The following MAML2 variants were observed in gnomAD, a reference collection of about 807,000 sequenced individuals.
The protein encoded by MAML2 is mastermind like transcriptional coactivator 2.
MAML2 carries 22 observed loss-of-function variants against 96.1 expected under a neutral mutation model. That is an observed-to-expected ratio of 0.23 (90% CI 0.16 to 0.33). The LOEUF (loss-of-function observed/expected upper bound fraction) is 0.33. MAML2 is among the 10% of genes least tolerant of loss of function. MAML2 has a pLI of 1.00. For synonymous variants in MAML2, 561 were observed against 521.3 expected (o/e 1.08, Z -1.04); for missense variants, 1,367 against 1,392.4 (o/e 0.98, Z 0.29).
chr11:96,274,126 A>G (rs1565269462), intron 1 of MAML2, among the ~76,000 whole-genome samples: 1 of 126,362 alleles, frequency 7.9e-6, no homozygotes, highest in Non-Finnish European at 1.5e-5. Context: ...TCTGTAGCTC[A>G]GGCTGGAGTG....
Position 96,015,015 on chromosome 11 carries a change from C to G in MAML2, c.2140-23292G>C, listed in dbSNP as rs960871761. ...ATAATAACCATCTATGTACTAGCCACCCTATTAGTATCTCCATTTTATAGA... is the reference window on the plus strand; with the variant it reads ...ATAATAACCATCTATGTACTAGCCAGCCTATTAGTATCTCCATTTTATAGA... On this transcript the variant is annotated intron_variant, in intron 2 of 4. Transcript: ENST00000524717. Among the ~76,000 whole-genome samples the G allele has an allele frequency of 3.9e-5, 6 of 152,154 alleles. No individual in the cohort carries two copies. In the East Asian group the frequency reaches 1.2e-3, roughly 29 times the overall value.
chr11:96,343,071 G>T lies in MAML2; in HGVS notation c.-1176C>A. The T allele has an allele frequency of 5.0e-6, 2 of 398,422 alleles. No individual in the cohort carries two copies. Among genetic ancestry groups the T allele is most frequent in the Non-Finnish European group, 8.9e-6 (2 of 225,960 alleles). The allele number at this position is 398,422 out of a possible 1,614,324, so 24.7% of individuals were successfully genotyped here. A position where few individuals can be genotyped will look rare whatever the true frequency, so the allele number is the denominator to read the frequency against. On this transcript the variant is annotated 5_prime_UTR_variant, in exon 1 of 5. Transcript: ENST00000524717. ...TATAGATGGAAAAAAAAAGTAGCTT[G>T]TATTTTCCTTTCTCTTTCTCGTCTG...
At chr11:96,004,971 T>G (rs1282762064) in intron 2 of MAML2, among the ~76,000 whole-genome samples, 1 of 152,128 alleles carries the variant, frequency 6.6e-6, no homozygotes, top group Non-Finnish European at 1.5e-5. Context: ...TTAGGTGCCC[T>G]TATAAAAGGG....
intron 2 of MAML2, among the ~76,000 whole-genome samples, chr11:96,085,370 G>A (rs1428816477): frequency 1.3e-5 from 2 of 152,150 alleles, no homozygotes; most frequent in Admixed American, 1.3e-4. Flanking sequence ...AACCATTAAT[G>A]TGCAAATTTA....
rs1857662953 is a variant in MAML2 at position 95,977,183 on chromosome 11, T to C, written c.*1765A>G. 1 of 189,996 alleles carries C rather than the reference T, an allele frequency of 5.3e-6. No homozygotes were observed. Among genetic ancestry groups the C allele is most frequent in the Non-Finnish European group, 1.1e-5 (1 of 90,612 alleles). The allele number at this position is 189,996 out of a possible 1,614,324, so 11.8% of individuals were successfully genotyped here. A position where few individuals can be genotyped will look rare whatever the true frequency, so the allele number is the denominator to read the frequency against. ...CATATTAGCATACAAAAGGTAGCAA[T>C]TTACTTTTTGTATAAAATATAACCT... On this transcript the variant is annotated 3_prime_UTR_variant, in exon 5 of 5. Transcript: ENST00000524717.
At chr11:96,065,365 T>TATAC (rs1463975443) in intron 2 of MAML2, among the ~76,000 whole-genome samples, 2 of 152,012 alleles carry the variant, frequency 1.3e-5, no homozygotes, top group Admixed American at 1.3e-4. Context: ...TCAGTCCTGG[T>TATAC]ATACAGCACT....
rs1858463645 is a variant in MAML2 at position 96,023,245 on chromosome 11, C to T, written c.2140-31522G>A. On this transcript the variant is annotated intron_variant, in intron 2 of 4. Transcript: ENST00000524717. ...ACTGCGTCCCTTCCTGATTTGCAGT[C>T]GCGATGGGCAGAGGTACAAGGGGAG... is the stretch of plus-strand genomic sequence containing the variant. Among the ~76,000 whole-genome samples, 3 of 152,240 alleles carry T rather than the reference C, an allele frequency of 2.0e-5. 1 individual carries two copies. In the South Asian group the frequency reaches 6.2e-4, roughly 32 times the overall value.
rs78612794 is a variant in MAML2 at position 96,046,452 on chromosome 11, G to C, written c.2139+45440C>G. On this transcript the variant is annotated intron_variant, in intron 2 of 4. Coordinates refer to ENST00000524717, the MANE Select transcript of MAML2 (RefSeq NM_032427.4). ...TATGAATGGTAGACTACCTCTGTCA[G>C]ACTAATGCTTTTCTTTTTACCTCAG... is the stretch of plus-strand genomic sequence containing the variant. Among the ~76,000 whole-genome samples, 20 of 152,188 alleles carry C rather than the reference G, an allele frequency of 1.3e-4. 1 individual carries two copies. In the East Asian group the frequency reaches 3.9e-3, roughly 29 times the overall value.
intron 1 of MAML2, among the ~76,000 whole-genome samples, chr11:96,130,631 G>T (rs968002308): frequency 2.0e-5 from 3 of 152,126 alleles, no homozygotes; most frequent in African/African-American, 7.2e-5. Flanking sequence ...CTCAAGGCTT[G>T]AGATTTCTTT....
chr11:96,113,590 C>A (rs1315981429), intron 1 of MAML2, among the ~76,000 whole-genome samples: 2 of 138,234 alleles, frequency 1.4e-5, no homozygotes, highest in Admixed American at 1.5e-4. Context: ...AATGTTTCTC[C>A]ATCCCCGTTG....
At chr11:96,243,525 C>T (rs1422648256) in intron 1 of MAML2, among the ~76,000 whole-genome samples, 1 of 152,214 alleles carries the variant, frequency 6.6e-6, no homozygotes, top group East Asian at 1.9e-4. Flanking sequence ...CGAGAGCCAT[C>T]ACCTGAGAAA....
chr11:96,218,774 T>C (rs1459463765), intron 1 of MAML2, among the ~76,000 whole-genome samples: 1 of 152,238 alleles, frequency 6.6e-6, no homozygotes, highest in Non-Finnish European at 1.5e-5. Context: ...CAGTCAAATT[T>C]GAATTTCAGA....
chr11:96,311,969 G>T (rs1041465017), intron 1 of MAML2, among the ~76,000 whole-genome samples: 1 of 151,992 alleles, frequency 6.6e-6, no homozygotes, highest in African/African-American at 2.4e-5. Flanking sequence ...GGCCAGGCTT[G>T]GTGGCTCACA....
Position 95,979,953 on chromosome 11 carries a change from G to A in MAML2, c.2466C>T (p.Ser822=), listed in dbSNP as rs1220674134. 6.2e-7 allele frequency: 1 copy of A among 1,609,748 alleles called. No individual in the cohort carries two copies. Among genetic ancestry groups the A allele is most frequent in the African/African-American group, 1.3e-5 (1 of 74,782 alleles). Residue 822 remains serine (S), a synonymous_variant, in exon 5 of 5, where the codon TCC becomes TCT. Coordinates refer to ENST00000524717, the MANE Select transcript of MAML2 (RefSeq NM_032427.4). The part of the protein sequence containing the change: ...QPTAQYSGGS[S]TISLNSNQAL... ...CCTGGTTAGAGTTTAAGCTTATTGTGGATGAGCCACCTGAGAAAAAGAAGA... is the reference window on the plus strand; with the variant it reads ...CCTGGTTAGAGTTTAAGCTTATTGTAGATGAGCCACCTGAGAAAAAGAAGA...
At chr11:96,207,723 T>A (rs1861913898) in intron 1 of MAML2, among the ~76,000 whole-genome samples, 3 of 152,248 alleles carry the variant, frequency 2.0e-5, no homozygotes, top group Non-Finnish European at 4.4e-5. Context: ...AAACCAGTGA[T>A]GATTACAAAA....
chr11:96,101,016 G>A (rs1278004071), intron 1 of MAML2, among the ~76,000 whole-genome samples: 1 of 152,110 alleles, frequency 6.6e-6, no homozygotes, highest in African/African-American at 2.4e-5. Context: ...AAAGTGCTGG[G>A]ATTACAGCTG....
chr11:96,016,545 A>G (rs1858355549), intron 2 of MAML2, among the ~76,000 whole-genome samples: 1 of 152,172 alleles, frequency 6.6e-6, no homozygotes, highest in African/African-American at 2.4e-5. Flanking sequence ...GTTTGAAGGG[A>G]GCACATACCA....
intron 1 of MAML2, among the ~76,000 whole-genome samples, chr11:96,109,886 G>A (rs1221492956): frequency 6.6e-6 from 1 of 152,156 alleles, no homozygotes; most frequent in African/African-American, 2.4e-5. Flanking sequence ...ATTGGTTGAA[G>A]GAATGAATGT....
chr11:96,137,916 C>T lies in MAML2; in HGVS notation c.514-44399G>A, dbSNP rs186801314. ...GTAGTCTCTTTCAGTGAAATAATTC[C>T]CCCTTTCCATCCTTTTCCCCACAAT... On this transcript the variant is annotated intron_variant, in intron 1 of 4. Transcript: ENST00000524717. Among the ~76,000 whole-genome samples, 468 of 151,984 alleles carry T rather than the reference C, an allele frequency of 3.1e-3. 5 individuals are homozygous for T. The highest frequency in any genetic ancestry group is 0.011 in the African/African-American group (444 of 41,452).
Sources: gnomAD v4.1 joint callset for allele counts (sites outside exome capture counted in the v4.1 genomes callset) on GRCh38, gnomAD v4.1.1 for gene constraint, MANE v1.5 for transcripts, NCBI Gene and HGNC (gene_info 2026-07-23, HGNC 2026-07-21) for gene names.